Variants in MAPK10 observed in about 807,000 individuals in gnomAD.
MAPK10 encodes the protein mitogen-activated protein kinase 10.
A neutral mutation model predicts 59.3 loss-of-function variants in MAPK10; 25 were observed. That is an observed-to-expected ratio of 0.42 (90% CI 0.31 to 0.59). MAPK10 has a LOEUF of 0.59. MAPK10 is among the 20% of genes least tolerant of loss of function. The pLI is 0.15. For missense variants in MAPK10, 351 were observed against 568.9 expected, an observed-to-expected ratio of 0.62 and a Z score of 3.90; for synonymous variants, 190 against 200.5, an observed-to-expected ratio of 0.95 and a Z score of 0.44.
At position 86,312,379 on chromosome 4, in the gene MAPK10, A is replaced by G. The variant is rs189771220; in HGVS notation, c.-7+42151T>C. 6.8e-3 allele frequency among the ~76,000 whole-genome samples: 1,039 copies of G among 152,220 alleles called. 9 individuals carry two copies. The highest frequency in any genetic ancestry group is 0.021 in the African/African-American group (884 of 41,558). On this transcript the variant is annotated intron_variant, in intron 2 of 13. Transcript: ENST00000641462. ...TTTATTACGTGTGACTAGTTTTCAC[A>G]TATGAAAATACCCATAATGTCCTTC...
chr4:86,073,341 C>T (rs146175767), intron 9 of MAPK10, among the ~76,000 whole-genome samples: 10,660 of 151,748 alleles, frequency 0.07, 520 homozygotes, highest in East Asian at 0.18. Flanking sequence ...TTTCAAAAAA[C>T]CAGCTCCTGG....
chr4:86,196,411 T>C (rs933067382), intron 2 of MAPK10, among the ~76,000 whole-genome samples: 1 of 152,212 alleles, frequency 6.6e-6, no homozygotes, highest in Non-Finnish European at 1.5e-5. Context: ...GATGGGGTTG[T>C]AAGCTTTTTT....
intron 1 of MAPK10, among the ~76,000 whole-genome samples, chr4:86,512,319 T>C (rs891731080): frequency 1.3e-5 from 2 of 152,202 alleles, no homozygotes; most frequent in East Asian, 1.9e-4. Context: ...TTTCTCTTTA[T>C]AACAGAATAC....
chr4:86,238,291 C>A (rs182259254), intron 2 of MAPK10, among the ~76,000 whole-genome samples: 22 of 152,232 alleles, frequency 1.4e-4, no homozygotes, highest in Non-Finnish European at 2.9e-4. Context: ...ATGACTCCAG[C>A]CTTGTTCTTT....
rs557030606 is a variant in MAPK10, at chr4:86,184,409, T to C, written c.66+9927A>G. On this transcript the variant is annotated intron_variant, in intron 3 of 13. Transcript: ENST00000641462. ...TAACCTAAAAATTCAGGCCTACTCA[T>C]TTTACACCACAGCAGGATCACTGTT... is the stretch of plus-strand genomic sequence containing the variant. Among the ~76,000 whole-genome samples, 35 of 152,258 alleles carry C rather than the reference T, an allele frequency of 2.3e-4. No homozygotes were observed. In the South Asian group the frequency reaches 3.5e-3, roughly 15 times the overall value.
upstream of MAPK10, among the ~76,000 whole-genome samples, chr4:86,363,065 T>C (rs1246528289): frequency 6.6e-6 from 1 of 152,130 alleles, no homozygotes; most frequent in Non-Finnish European, 1.5e-5. Flanking sequence ...AGACAGCAGA[T>C]AATTATGATA....
chr4:86,251,569 C>T (rs1230244878), intron 2 of MAPK10, among the ~76,000 whole-genome samples: 2 of 134,144 alleles, frequency 1.5e-5, no homozygotes, highest in Non-Finnish European at 3.1e-5. Context: ...TTAATCCAGT[C>T]TATCATTGTT....
At chr4:86,200,616 C>A (rs78550851) in intron 2 of MAPK10, among the ~76,000 whole-genome samples, 1 of 151,602 alleles carries the variant, frequency 6.6e-6, no homozygotes, top group Non-Finnish European at 1.5e-5. Flanking sequence ...CATTTATGAA[C>A]GTGTCTTTTT....
chr4:86,527,312 C>CAAAAAAAAAAA (rs57390422), intron 1 of MAPK10, among the ~76,000 whole-genome samples: 1 of 16,196 alleles, frequency 6.2e-5, no homozygotes, highest in Non-Finnish European at 1.4e-4. Flanking sequence ...ACACTGTTGC[C>CAAAAAAAAAAA]AAAAAAAAAA....
chr4:86,267,001 A>G (rs191884079), intron 2 of MAPK10, among the ~76,000 whole-genome samples: 20 of 152,230 alleles, frequency 1.3e-4, no homozygotes, highest in African/African-American at 4.3e-4. Context: ...TGGAGTCCAG[A>G]TTTATTTCAG....
chr4:86,249,948 T>C (rs1298507203), intron 2 of MAPK10, among the ~76,000 whole-genome samples: 1 of 152,016 alleles, frequency 6.6e-6, no homozygotes, highest in African/African-American at 2.4e-5. Context: ...GAAATAAAAA[T>C]GCTAAGTCAC....
chr4:86,247,659 G>A (rs1175184996), intron 2 of MAPK10, among the ~76,000 whole-genome samples: 1 of 152,162 alleles, frequency 6.6e-6, no homozygotes, highest in African/African-American at 2.4e-5. Flanking sequence ...TTGTGTGTGT[G>A]TGTGTGTTGT....
intron 2 of MAPK10, among the ~76,000 whole-genome samples, chr4:86,267,709 C>T (rs2094301195): frequency 6.6e-6 from 1 of 152,106 alleles, no homozygotes. Flanking sequence ...GGAACTCTTT[C>T]TCCTAGAAGC....
intron 1 of MAPK10, among the ~76,000 whole-genome samples, chr4:86,556,430 T>C (rs1369493760): frequency 6.6e-6 from 1 of 152,174 alleles, no homozygotes; most frequent in Non-Finnish European, 1.5e-5. Context: ...TCATTTATTG[T>C]TTGACATAAG....
intron 2 of MAPK10, among the ~76,000 whole-genome samples, chr4:86,236,431 A>C (rs2092237471): frequency 6.6e-6 from 1 of 152,218 alleles, no homozygotes; most frequent in Non-Finnish European, 1.5e-5. Flanking sequence ...AAGGAATCAG[A>C]CTTCTGAATC....
At chr4:86,132,782 G>C (rs1375797611) in intron 4 of MAPK10, among the ~76,000 whole-genome samples, 3 of 152,188 alleles carry the variant, frequency 2.0e-5, no homozygotes, top group African/African-American at 7.2e-5. Flanking sequence ...CTCCTTGTGA[G>C]GATCTAATAT....
At chr4:86,076,052 T>TG (rs895170344) in intron 9 of MAPK10, among the ~76,000 whole-genome samples, 1 of 152,068 alleles carries the variant, frequency 6.6e-6, no homozygotes, top group African/African-American at 2.4e-5. Context: ...CGAGATTCCG[T>TG]GGGCGTAGGA....
chr4:86,252,577 C>T (rs1249610485), intron 2 of MAPK10, among the ~76,000 whole-genome samples: 2 of 138,876 alleles, frequency 1.4e-5, no homozygotes, highest in African/African-American at 2.9e-5. Flanking sequence ...TTACTGTAGC[C>T]TTGTAGTATA....
At chr4:86,105,249 C>T (rs1167408253) in intron 5 of MAPK10, among the ~76,000 whole-genome samples, 3 of 152,086 alleles carry the variant, frequency 2.0e-5, no homozygotes, top group Admixed American at 6.6e-5. Flanking sequence ...CACAGTTCTA[C>T]GTTCTTATTA....
Sources: gnomAD v4.1 joint callset for allele counts (sites outside exome capture counted in the v4.1 genomes callset) on GRCh38, gnomAD v4.1.1 for gene constraint, MANE v1.5 for transcripts, NCBI Gene and HGNC (gene_info 2026-07-23, HGNC 2026-07-21) for gene names.